Variants in CPQ observed in about 807,000 individuals in gnomAD.
CPQ encodes the protein Ser-Met dipeptidase.
In CPQ, 37 loss-of-function variants were observed where a neutral mutation model predicts 45.7. That is an observed-to-expected ratio of 0.81 (90% CI 0.62 to 1.07). The LOEUF is 1.07. Ranked by LOEUF, CPQ falls within the 50% of genes least tolerant of loss-of-function variation. The pLI is 0.00. For missense variants in CPQ, 537 were observed against 572.9 expected, an observed-to-expected ratio of 0.94 and a Z score of 0.64; for synonymous variants, 186 against 205.8, an observed-to-expected ratio of 0.90 and a Z score of 0.82.
intron 7 of CPQ, among the ~76,000 whole-genome samples, chr8:97,079,271 C>T (rs992493746): frequency 6.6e-6 from 1 of 152,028 alleles, no homozygotes; most frequent in African/African-American, 2.4e-5. Context: ...GATACTATTG[C>T]CTGTTCTTTC....
chr8:96,863,927 G>C (rs1279029124), intron 3 of CPQ, among the ~76,000 whole-genome samples: 1 of 151,916 alleles, frequency 6.6e-6, no homozygotes, highest in Non-Finnish European at 1.5e-5. Flanking sequence ...TTTTGATGTT[G>C]GCATCAGATA....
At chr8:96,724,901 C>T (rs1320716879) in intron 1 of CPQ, among the ~76,000 whole-genome samples, 2 of 152,142 alleles carry the variant, frequency 1.3e-5, no homozygotes, top group Non-Finnish European at 2.9e-5. Flanking sequence ...ACCAATGAAA[C>T]AGAATAGAGA....
intron 4 of CPQ, among the ~76,000 whole-genome samples, chr8:96,904,008 G>T (rs913857040): frequency 6.6e-6 from 1 of 152,136 alleles, no homozygotes; most frequent in African/African-American, 2.4e-5. Flanking sequence ...CAGGCCTCCA[G>T]CTCCTTGATA....
intron 3 of CPQ, among the ~76,000 whole-genome samples, chr8:96,845,244 T>A (rs189672705): frequency 2.6e-5 from 4 of 152,330 alleles, no homozygotes; most frequent in Admixed American, 2.0e-4. Flanking sequence ...GTAATTTATG[T>A]CTATCTACCT....
chr8:96,706,460 T>A (rs1809532154), intron 1 of CPQ, among the ~76,000 whole-genome samples: 1 of 152,030 alleles, frequency 6.6e-6, no homozygotes, highest in Non-Finnish European at 1.5e-5. Context: ...GGGGTGAATG[T>A]GTTAAGGGTA....
chr8:96,933,767 G>A (rs1221224947), intron 4 of CPQ, among the ~76,000 whole-genome samples: 1 of 152,074 alleles, frequency 6.6e-6, no homozygotes, highest in Non-Finnish European at 1.5e-5. Flanking sequence ...CTTAGTAATA[G>A]CAGTGATGAC....
rs760611528 is a variant in CPQ, at chr8:96,784,879, A to G, written c.-19A>G. ...ATTTATGTAGATTATCTTAACAAGA[A>G]AACCAACTGGAAAAAAAAATGAAAT... On this transcript the variant is annotated 5_prime_UTR_variant, in exon 2 of 8. Coordinates refer to ENST00000220763, the MANE Select transcript of CPQ (RefSeq NM_016134.4). 6.3e-7 allele frequency: 1 copy of G among 1,585,164 alleles called. No individual in the cohort carries two copies. Among genetic ancestry groups the G allele is most frequent in the African/African-American group, 1.4e-5 (1 of 72,900 alleles).
intron 4 of CPQ, among the ~76,000 whole-genome samples, chr8:96,907,115 A>G (rs1046552637): frequency 3.3e-5 from 5 of 152,160 alleles, no homozygotes; most frequent in Non-Finnish European, 7.4e-5. Flanking sequence ...ATTAGGGTAA[A>G]GTATAGCTGC....
rs149642817 is a variant in CPQ at position 96,840,062 on chromosome 8, A to G, written c.641+4882A>G. 3.4e-3 allele frequency among the ~76,000 whole-genome samples: 524 copies of G among 152,286 alleles called. 2 individuals carry two copies. The highest frequency in any genetic ancestry group is 0.01 in the African/African-American group (424 of 41,574). On this transcript the variant is annotated intron_variant, in intron 3 of 7. Transcript: ENST00000220763. The stretch of plus-strand genomic sequence containing the variant: ...CCAAGCAACCTGGAGAGCTAATGCT[A>G]TAGGAATCTAGAGGAGATAACAGAA...
chr8:96,716,962 C>T (rs1425184062), intron 1 of CPQ, among the ~76,000 whole-genome samples: 1 of 142,754 alleles, frequency 7.0e-6, no homozygotes, highest in Non-Finnish European at 1.5e-5. Context: ...CAATTCCATC[C>T]ATGTTGCTGT....
rs1554577100 is a variant in CPQ, at chr8:96,908,747, G to GCACGCA, written c.849+28745_849+28746insGCACAC. Among the ~76,000 whole-genome samples the GCACGCA allele has an allele frequency of 4.3e-5, 6 of 141,016 alleles. No individual in the cohort carries two copies. In the East Asian group the frequency reaches 1.2e-3, roughly 29 times the overall value. 92.5% of individuals were successfully genotyped at this position (141,016 alleles called of 152,430 possible). A position where few individuals can be genotyped will look rare whatever the true frequency, so the allele number is the denominator to read the frequency against. ...TCTCTTTTCAGTTTTATACACATGC[G>GCACGCA]CACACACACACACACACACACACAC... is the stretch of plus-strand genomic sequence containing the variant. On this transcript the variant is annotated intron_variant, in intron 4 of 7. Coordinates refer to ENST00000220763, the MANE Select transcript of CPQ (RefSeq NM_016134.4).
chr8:96,921,881 A>C (rs1445774866), intron 4 of CPQ, among the ~76,000 whole-genome samples: 1 of 152,176 alleles, frequency 6.6e-6, no homozygotes, highest in Non-Finnish European at 1.5e-5. Flanking sequence ...GACTATGTGG[A>C]AGTATCTTGG....
chr8:96,908,489 C>T (rs988433833), intron 4 of CPQ, among the ~76,000 whole-genome samples: 1 of 152,142 alleles, frequency 6.6e-6, no homozygotes. Flanking sequence ...GCGACCTCCC[C>T]GCCATGGGAA....
At chr8:96,955,200 T>A (rs898549971) in intron 4 of CPQ, among the ~76,000 whole-genome samples, 4 of 152,176 alleles carry the variant, frequency 2.6e-5, no homozygotes, top group African/African-American at 9.7e-5. Flanking sequence ...TTGAACTAGT[T>A]TACAGTCCCA....
At chr8:96,731,372 C>T (rs1337504378) in intron 1 of CPQ, among the ~76,000 whole-genome samples, 1 of 152,162 alleles carries the variant, frequency 6.6e-6, no homozygotes, top group Non-Finnish European at 1.5e-5. Flanking sequence ...CTACTGCAAG[C>T]TTTCAGGTCT....
chr8:96,780,710 C>CTTTTT (rs769993744), intron 1 of CPQ, among the ~76,000 whole-genome samples: 1 of 134,870 alleles, frequency 7.4e-6, no homozygotes, highest in Non-Finnish European at 1.6e-5. Flanking sequence ...TTTTTCTTTA[C>CTTTTT]TTTTTTTTTT....
intron 1 of CPQ, among the ~76,000 whole-genome samples, chr8:96,768,772 G>T (rs1194529060): frequency 2.6e-5 from 4 of 152,158 alleles, no homozygotes; most frequent in Admixed American, 1.3e-4. Context: ...AACTGTATTT[G>T]CAGCAAGATT....
intron 1 of CPQ, among the ~76,000 whole-genome samples, chr8:96,662,507 T>A (rs1034102552): frequency 2.0e-5 from 3 of 152,222 alleles, no homozygotes; most frequent in Non-Finnish European, 4.4e-5. Flanking sequence ...ATTCTCCTAA[T>A]GAAGAACTGC....
chr8:96,734,741 A>G (rs993066138), intron 1 of CPQ, among the ~76,000 whole-genome samples: 2 of 151,144 alleles, frequency 1.3e-5, no homozygotes, highest in Non-Finnish European at 2.9e-5. Flanking sequence ...TAAAATAAAT[A>G]AAATAAAATA....
Sources: gnomAD v4.1 joint callset for allele counts (sites outside exome capture counted in the v4.1 genomes callset) on GRCh38, gnomAD v4.1.1 for gene constraint, MANE v1.5 for transcripts, NCBI Gene and HGNC (gene_info 2026-07-23, HGNC 2026-07-21) for gene names.